The following NLRP14 variants were observed in gnomAD, a reference collection of about 807,000 sequenced individuals.
NLRP14 encodes the protein NACHT, LRR and PYD domains-containing protein 14.
A neutral mutation model predicts 94.7 loss-of-function variants in NLRP14; 105 were observed. The observed-to-expected ratio is 1.11, with a 90% CI of 0.95 to 1.30. The LOEUF is 1.30. Among genes scored for constraint, NLRP14 ranks in the 50% most tolerant of loss-of-function variants. The pLI is 0.00. For synonymous variants in NLRP14, 508 were observed against 459.9 expected (o/e 1.10, Z -1.34); for missense variants, 1,362 against 1,254.1 (o/e 1.09, Z -1.30).
At chr11:7,031,475 C>T (rs1311092450) in intron 1 of NLRP14, among the ~76,000 whole-genome samples, 2 of 152,136 alleles carry the variant, frequency 1.3e-5, no homozygotes, top group Non-Finnish European at 2.9e-5. Flanking sequence ...AAGTAGTCTT[C>T]GGCTGGAGAC....
chr11:7,066,678 A>C (rs1401035341), intron 10 of NLRP14, among the ~76,000 whole-genome samples: 1 of 152,182 alleles, frequency 6.6e-6, no homozygotes, highest in Non-Finnish European at 1.5e-5. Context: ...TTTGCTGTAC[A>C]GAAGCTCTTT....
rs1391436939 is a variant in NLRP14 at position 7,042,568 on chromosome 11, T to C, written c.542T>C (p.Leu181Pro). The C allele has an allele frequency of 3.1e-6, 5 of 1,614,258 alleles. No homozygotes were observed. The highest frequency in any genetic ancestry group is 4.2e-6 in the Non-Finnish European group (5 of 1,180,042). Residue 181 changes from leucine (L) to proline (P), a missense_variant, in exon 4 of 12, where the codon CTT (leucine) becomes CCT (proline). Coordinates refer to ENST00000299481, the MANE Select transcript of NLRP14 (RefSeq NM_176822.4). ...KTGAQPQIVV[L>P]QGAAGVGKTT... is the part of the protein sequence containing the mutation. ...GGTGCACAGCCACAGATCGTGGTGCTTCAGGGAGCTGCTGGAGTTGGGAAA... is the reference window on the plus strand; with the variant it reads ...GGTGCACAGCCACAGATCGTGGTGCCTCAGGGAGCTGCTGGAGTTGGGAAA...
chr11:7,042,270 C>T (rs1379581941), intron 3 of NLRP14, 118 bp from the exon 4 acceptor site: 4 of 764,292 alleles, frequency 5.2e-6, no homozygotes, highest in Non-Finnish European at 8.9e-6. Context: ...CTGATTTCAG[C>T]CTATGTTCTT....
intron 3 of NLRP14, among the ~76,000 whole-genome samples, chr11:7,040,106 C>A (rs573110793): frequency 6.6e-6 from 1 of 152,158 alleles, no homozygotes; most frequent in African/African-American, 2.4e-5. Flanking sequence ...TTTATCACAT[C>A]TACTTTCTTT....
chr11:7,024,982 A>G (rs978394669), intron 1 of NLRP14, among the ~76,000 whole-genome samples: 5 of 152,166 alleles, frequency 3.3e-5, no homozygotes, highest in African/African-American at 1.2e-4. Flanking sequence ...CAAAAGTTCT[A>G]GAAAAAAAGA....
At chr11:7,058,163 G>C (rs989266612) in intron 7 of NLRP14, 117 bp from the exon 8 acceptor site, 1 of 847,958 alleles carries the variant, frequency 1.2e-6, no homozygotes, top group African/African-American at 1.7e-5. Context: ...GGTTTGTTGA[G>C]GTTAATTTTA....
intron 1 of NLRP14, among the ~76,000 whole-genome samples, chr11:7,023,392 ATTT>A (rs1176559326): frequency 6.8e-6 from 1 of 146,314 alleles, no homozygotes; most frequent in African/African-American, 2.5e-5. Flanking sequence ...TAGCTTGGAA[ATTT>A]TTTATATAAA....
At chr11:7,031,546 T>A (rs1456582811) in intron 1 of NLRP14, among the ~76,000 whole-genome samples, 1 of 152,158 alleles carries the variant, frequency 6.6e-6, no homozygotes, top group African/African-American at 2.4e-5. Context: ...CTGCCAACTG[T>A]GCTTGAATTT....
intron 1 of NLRP14, among the ~76,000 whole-genome samples, chr11:7,037,196 C>G (rs1852173512): frequency 6.6e-6 from 1 of 152,120 alleles, no homozygotes; most frequent in African/African-American, 2.4e-5. Flanking sequence ...TTCCTTTATG[C>G]TTTTTAAAAA....
At chr11:7,036,674 A>G (rs555761589) in intron 1 of NLRP14, among the ~76,000 whole-genome samples, 1 of 152,212 alleles carries the variant, frequency 6.6e-6, no homozygotes, top group East Asian at 1.9e-4. Context: ...GAGTTTTGTA[A>G]CAAGGAGGTT....
intron 1 of NLRP14, among the ~76,000 whole-genome samples, chr11:7,025,816 ATAC>A (rs142135072): frequency 0.67 from 100,984 of 151,788 alleles, 34,090 homozygotes; most frequent in East Asian, 0.86. Flanking sequence ...ATGGAGCTAA[ATAC>A]ATGCATAAAT....
At chr11:7,045,101 T>G (rs980389006) in intron 4 of NLRP14, among the ~76,000 whole-genome samples, 1 of 152,246 alleles carries the variant, frequency 6.6e-6, no homozygotes. Context: ...AGTACCATTA[T>G]ATACAATTGC....
Position 7,043,306 on chromosome 11 carries a change from T to C in NLRP14, c.1280T>C (p.Leu427Pro), listed in dbSNP as rs927592161. Residue 427 changes from leucine to proline, a missense_variant, in exon 4 of 12, where the codon CTG (leucine) becomes CCG (proline). Transcript: ENST00000299481. ...SLPNQAQLRR[L>P]CQVAAKGIWT... is the part of the protein sequence containing the mutation. ...CCCAACCAAGCCCAGCTGAGAAGACTGTGCCAAGTCGCTGCCAAAGGAATA... is the reference window on the plus strand; with the variant it reads ...CCCAACCAAGCCCAGCTGAGAAGACCGTGCCAAGTCGCTGCCAAAGGAATA... 3 of 1,614,018 alleles carry C rather than the reference T, an allele frequency of 1.9e-6. No individual in the cohort carries two copies. Among genetic ancestry groups the C allele is most frequent in the Admixed American group, 3.3e-5 (2 of 60,004 alleles).
rs779394758 is a variant in NLRP14, at chr11:7,057,852, G to C, written c.2462+5G>C. On this transcript the variant is annotated splice_donor_5th_base_variant and intron_variant, in intron 7 of 11. Coordinates refer to ENST00000299481, the MANE Select transcript of NLRP14 (RefSeq NM_176822.4). ...GTGTTATCTAGAGAGACTGTCGTGA[G>C]TGTTTCTGTTTTGTTTTCTGTAGAG... The C allele has an allele frequency of 1.9e-6, 3 of 1,609,434 alleles. No individual in the cohort carries two copies. Among genetic ancestry groups the C allele is most frequent in the Non-Finnish European group, 2.6e-6 (3 of 1,176,106 alleles).
the NLRP14 span, chr11:7,089,962 A>G: frequency 6.2e-7 from 1 of 1,612,878 alleles, no homozygotes; most frequent in Non-Finnish European, 8.5e-7. Flanking sequence ...TCCCATCGAG[A>G]GCCCTTTGAG....
chr11:7,070,230 G>T (rs774203330), intron 10 of NLRP14, 56 bp from the exon 11 acceptor site: 5 of 1,268,992 alleles, frequency 3.9e-6, no homozygotes, highest in Non-Finnish European at 5.7e-6. Context: ...TCTCTTGTGG[G>T]CTTTGTTGTG....
At chr11:7,089,223 G>A in the NLRP14 span, 3 of 1,613,214 alleles carry the variant, frequency 1.9e-6, no homozygotes, top group Non-Finnish European at 2.5e-6. Context: ...TGGCCGCATC[G>A]TCGAGGTGCT....
At chr11:7,041,460 T>C (rs1852248204) in intron 3 of NLRP14, among the ~76,000 whole-genome samples, 4 of 152,172 alleles carry the variant, frequency 2.6e-5, no homozygotes, top group African/African-American at 9.6e-5. Context: ...TTCTACATAA[T>C]TGCCAGAAAC....
downstream of NLRP14, among the ~76,000 whole-genome samples, chr11:7,076,494 A>C (rs919413230): frequency 1.3e-5 from 2 of 152,034 alleles, no homozygotes; most frequent in Non-Finnish European, 2.9e-5. Context: ...TATTATAAGC[A>C]TTAAGGCTAT....
Sources: gnomAD v4.1 joint callset for allele counts (sites outside exome capture counted in the v4.1 genomes callset) on GRCh38, gnomAD v4.1.1 for gene constraint, MANE v1.5 for transcripts, NCBI Gene and HGNC (gene_info 2026-07-23, HGNC 2026-07-21) for gene names.